Variants in TMEM132C observed in about 807,000 individuals in gnomAD.
The protein encoded by TMEM132C is transmembrane protein 132C.
A neutral mutation model predicts 61.4 loss-of-function variants in TMEM132C; 29 were observed. The ratio of observed to expected loss-of-function variants is 0.47; its 90% confidence interval spans 0.35 to 0.64. The LOEUF (loss-of-function observed/expected upper bound fraction) is 0.64. TMEM132C is among the 30% of genes least tolerant of loss of function. The probability of loss-of-function intolerance (pLI) is 0.00; values close to 1 mark genes in which losing one functional copy is unlikely to be tolerated. For synonymous variants in TMEM132C, 656 were observed against 633.1 expected (o/e 1.04, Z -0.54); for missense variants, 1,408 against 1,476.9 (o/e 0.95, Z 0.76).
chr12:128,454,090 G>A (rs888678005), intron 2 of TMEM132C, among the ~76,000 whole-genome samples: 7 of 152,232 alleles, frequency 4.6e-5, no homozygotes, highest in African/African-American at 1.7e-4. Context: ...GCCCATCTAG[G>A]TCCACAAGGA....
At chr12:128,309,735 T>G (rs1025348907) in intron 1 of TMEM132C, among the ~76,000 whole-genome samples, 4 of 151,630 alleles carry the variant, frequency 2.6e-5, no homozygotes, top group Admixed American at 6.6e-5. Flanking sequence ...TCTTTTTTTT[T>G]TTTCTTTTTT....
chr12:128,267,740 A>G lies in TMEM132C; in HGVS notation c.85+253A>G, dbSNP rs539108480. On this transcript the variant is annotated intron_variant, in intron 1 of 8. Transcript: ENST00000435159. ...CCCACCCCGGACCCCCCAGACCCAG[A>G]GCTGCCCCGCGGATGAGGAGGGGGC... Among the ~76,000 whole-genome samples the G allele has an allele frequency of 3.3e-5, 5 of 152,202 alleles. No individual in the cohort carries two copies. In the South Asian group the frequency reaches 1.0e-3, roughly 32 times the overall value.
At chr12:128,421,610 G>A (rs184805056) in intron 2 of TMEM132C, among the ~76,000 whole-genome samples, 133 of 152,286 alleles carry the variant, frequency 8.7e-4, no homozygotes, top group African/African-American at 2.8e-3. Context: ...ACGCTCTTCC[G>A]TGAGCCAAAA....
intron 4 of TMEM132C, among the ~76,000 whole-genome samples, chr12:128,646,037 T>C (rs1184370047): frequency 2.0e-5 from 3 of 150,706 alleles, no homozygotes; most frequent in African/African-American, 7.3e-5. Context: ...TCCATCAGCA[T>C]TGGATATGAG....
At chr12:128,328,422 G>T (rs1246444445) in intron 1 of TMEM132C, among the ~76,000 whole-genome samples, 1 of 152,178 alleles carries the variant, frequency 6.6e-6, no homozygotes, top group Non-Finnish European at 1.5e-5. Flanking sequence ...CAGAGGGCAG[G>T]ATGCTGCTGT....
At chr12:128,522,031 G>A (rs1872922050) in intron 2 of TMEM132C, among the ~76,000 whole-genome samples, 1 of 152,128 alleles carries the variant, frequency 6.6e-6, no homozygotes, top group South Asian at 2.1e-4. Flanking sequence ...TCGGAGCTGA[G>A]CTGTGTGTTG....
chr12:128,412,910 G>T (rs1436070742), intron 1 of TMEM132C, among the ~76,000 whole-genome samples: 6 of 152,040 alleles, frequency 3.9e-5, no homozygotes, highest in Non-Finnish European at 8.8e-5. Context: ...TCTTATTGCA[G>T]TTCATGATAC....
At chr12:128,447,465 G>T (rs570048313) in intron 2 of TMEM132C, among the ~76,000 whole-genome samples, 1 of 152,306 alleles carries the variant, frequency 6.6e-6, no homozygotes, top group Non-Finnish European at 1.5e-5. Context: ...GCCTTGATTA[G>T]TATATAAGGA....
intron 1 of TMEM132C, among the ~76,000 whole-genome samples, chr12:128,382,310 G>A (rs1874426384): frequency 6.6e-6 from 1 of 152,132 alleles, no homozygotes; most frequent in African/African-American, 2.4e-5. Flanking sequence ...GACTGCCACT[G>A]TAGGAATATT....
chr12:128,388,303 C>T (rs1481651848), intron 1 of TMEM132C, among the ~76,000 whole-genome samples: 1 of 152,230 alleles, frequency 6.6e-6, no homozygotes, highest in Non-Finnish European at 1.5e-5. Context: ...TGACTCCAGC[C>T]GATGGCTGCC....
At chr12:128,588,595 C>G (rs746100785) in intron 3 of TMEM132C, among the ~76,000 whole-genome samples, 44 of 152,192 alleles carry the variant, frequency 2.9e-4, no homozygotes, top group African/African-American at 8.7e-4. Context: ...TTGTGTCCCC[C>G]CCACTCACAA....
intron 1 of TMEM132C, among the ~76,000 whole-genome samples, chr12:128,379,007 A>G (rs1874315902): frequency 6.6e-6 from 1 of 152,100 alleles, no homozygotes; most frequent in South Asian, 2.1e-4. Flanking sequence ...TTCGGCCATG[A>G]TTGTGAGGCC....
At chr12:128,442,600 A>C (rs918323510) in intron 2 of TMEM132C, among the ~76,000 whole-genome samples, 13 of 150,986 alleles carry the variant, frequency 8.6e-5, no homozygotes, top group African/African-American at 3.2e-4. Context: ...AAAAAAAAAA[A>C]GGTGAGGGAC....
chr12:128,697,387 C>A lies in TMEM132C; in HGVS notation c.2093C>A (p.Ala698Asp), dbSNP rs1465515215. Residue 698 changes from alanine (A) to aspartate (D), a missense_variant, in exon 8 of 9, where the codon GCT becomes GAT. Transcript: ENST00000435159. Reference protein sequence around the residue: ...NSKAVTAVVTAEEVLRTPKQE... With the variant: ...NSKAVTAVVTDEEVLRTPKQE... ...AAGGCCGTAACAGCTGTGGTCACAG[C>A]TGAGGAGGTGCTGCGGACCCCCAAA... is the stretch of plus-strand genomic sequence containing the variant. The A allele has an allele frequency of 1.1e-5, 17 of 1,545,402 alleles. No homozygotes were observed. The highest frequency in any genetic ancestry group is 1.5e-5 in the Non-Finnish European group (17 of 1,142,108).
intron 1 of TMEM132C, among the ~76,000 whole-genome samples, chr12:128,317,659 C>T (rs761357408): frequency 6.6e-6 from 1 of 152,240 alleles, no homozygotes; most frequent in Middle Eastern, 3.4e-3. Context: ...CCAAGGTGGG[C>T]GGATCTCTTG....
At chr12:128,333,373 T>A (rs1872712080) in intron 1 of TMEM132C, among the ~76,000 whole-genome samples, 1 of 152,054 alleles carries the variant, frequency 6.6e-6, no homozygotes, top group Non-Finnish European at 1.5e-5. Context: ...TGAGAGTACA[T>A]ATGTATTTGA....
intron 4 of TMEM132C, among the ~76,000 whole-genome samples, chr12:128,640,856 A>C (rs1954152492): frequency 6.6e-6 from 1 of 152,222 alleles, no homozygotes; most frequent in Non-Finnish European, 1.5e-5. Context: ...ACTGCACTGC[A>C]GCCTGGGTGA....
chr12:128,426,266 G>A (rs1250018044), intron 2 of TMEM132C, among the ~76,000 whole-genome samples: 1 of 152,230 alleles, frequency 6.6e-6, no homozygotes, highest in African/African-American at 2.4e-5. Flanking sequence ...TTCAGGGAGC[G>A]AAGTTTTTTC....
At chr12:128,436,591 ATG>A (rs1869600090) in intron 2 of TMEM132C, among the ~76,000 whole-genome samples, 1 of 152,214 alleles carries the variant, frequency 6.6e-6, no homozygotes, top group Admixed American at 6.5e-5. Context: ...CAAAAACACA[ATG>A]AGATACCATC....
Sources: allele counts gnomAD v4.1 joint callset (sites outside exome capture counted in the v4.1 genomes callset), GRCh38; gene constraint gnomAD v4.1.1; transcripts MANE v1.5; gene names NCBI Gene and HGNC (gene_info 2026-07-23, HGNC 2026-07-21).